Variants in SPIDR observed in about 807,000 individuals in gnomAD.
The protein encoded by SPIDR is scaffold protein involved in DNA repair.
Under a neutral mutation model 104.6 loss-of-function variants are expected in SPIDR, and 93 were observed. That is an observed-to-expected ratio of 0.89 (90% CI 0.75 to 1.06). SPIDR has a LOEUF of 1.06. Ranked by LOEUF, SPIDR falls within the 50% of genes least tolerant of loss-of-function variation. The pLI is 0.00. For missense variants in SPIDR, 1,154 were observed against 1,111.2 expected, an observed-to-expected ratio of 1.04 and a Z score of -0.55; for synonymous variants, 431 against 416.9, an observed-to-expected ratio of 1.03 and a Z score of -0.41.
At position 47,701,955 on chromosome 8, in the gene SPIDR, G is replaced by T; in HGVS notation, c.1918-1G>T. On this transcript the variant is annotated splice_acceptor_variant, in intron 13 of 19. Coordinates refer to ENST00000297423, the MANE Select transcript of SPIDR (RefSeq NM_001080394.4). LOFTEE classifies it high-confidence loss of function. ...GCCAACCTTTTCTAATTCCTTTCCA[G>T]ATGAATGATCTTGGTACCCGTTGCA... is the stretch of plus-strand genomic sequence containing the variant. The T allele has an allele frequency of 6.2e-7, 1 of 1,614,028 alleles. No individual in the cohort carries two copies. The highest frequency in any genetic ancestry group is 8.5e-7 in the Non-Finnish European group (1 of 1,180,028).
rs1010749129 is a variant in SPIDR at position 47,281,828 on chromosome 8, T to G, written c.189+1811T>G. On this transcript the variant is annotated intron_variant, in intron 2 of 19. Transcript: ENST00000297423. ...GCACATAGAATGGTGAATATTTTTC[T>G]GAAAGTTTTCAGTTTACTTTGCCCA... Among the ~76,000 whole-genome samples the G allele has an allele frequency of 7.2e-4, 109 of 152,360 alleles. 1 individual carries two copies. The highest frequency in any genetic ancestry group is 2.4e-3 in the African/African-American group (98 of 41,586).
intron 7 of SPIDR, among the ~76,000 whole-genome samples, chr8:47,438,553 A>G (rs1554694068): frequency 6.6e-6 from 1 of 152,222 alleles, no homozygotes; most frequent in East Asian, 1.9e-4. Context: ...TGTTGTGGCG[A>G]AGCATCTGTG....
intron 5 of SPIDR, among the ~76,000 whole-genome samples, chr8:47,317,471 G>C (rs2154259338): frequency 6.6e-6 from 1 of 152,234 alleles, no homozygotes; most frequent in African/African-American, 2.4e-5. Flanking sequence ...GAACTGGATG[G>C]AGCCCACCAC....
chr8:47,296,755 T>C (rs2040914344), intron 5 of SPIDR, among the ~76,000 whole-genome samples: 2 of 152,210 alleles, frequency 1.3e-5, no homozygotes, highest in Non-Finnish European at 1.5e-5. Context: ...ATATGAGTTT[T>C]AGGATTGTTT....
rs1172998426 is a variant in SPIDR at position 47,420,500 on chromosome 8, ATGTGTGTCTC to A, written c.877+12542_877+12551del. 6.6e-5 allele frequency among the ~76,000 whole-genome samples: 10 copies of A among 152,226 alleles called. No homozygotes were observed. In the East Asian group the frequency reaches 1.9e-3, roughly 29 times the overall value. On this transcript the variant is annotated intron_variant, in intron 7 of 19. Coordinates refer to ENST00000297423, the MANE Select transcript of SPIDR (RefSeq NM_001080394.4). ...TCCTCCATCCTTTTATTTTGAGCCT[ATGTGTGTCTC>A]TGCAAATGAGATGGGTTTCCTGAAT...
At chr8:47,573,840 C>G (rs781267466) in intron 8 of SPIDR, among the ~76,000 whole-genome samples, 1 of 152,228 alleles carries the variant, frequency 6.6e-6, no homozygotes, top group Non-Finnish European at 1.5e-5. Flanking sequence ...TGCTATAGTT[C>G]TGCTGTGCCT....
chr8:47,634,986 A>C (rs1305827613), intron 10 of SPIDR, among the ~76,000 whole-genome samples: 1 of 152,168 alleles, frequency 6.6e-6, no homozygotes, highest in Non-Finnish European at 1.5e-5. Context: ...ATCAAGTAAC[A>C]CTTTTCTTGA....
chr8:47,568,249 A>G lies in SPIDR; in HGVS notation c.1098-27562A>G, dbSNP rs374230895. On this transcript the variant is annotated intron_variant, in intron 8 of 19. Coordinates refer to ENST00000297423, the MANE Select transcript of SPIDR (RefSeq NM_001080394.4). Reference sequence around the variant, plus strand: ...TCTCTTTGATTAGGCTCATTAATCTACCTCGGTTTATCTGTAAAATGGAGA... The same window carrying G: ...TCTCTTTGATTAGGCTCATTAATCTGCCTCGGTTTATCTGTAAAATGGAGA... Among the ~76,000 whole-genome samples, 607 of 152,156 alleles carry G rather than the reference A, an allele frequency of 4.0e-3. 4 individuals carry two copies. Among genetic ancestry groups the G allele is most frequent in the South Asian group, 0.022 (108 of 4,816 alleles).
chr8:47,355,720 A>C (rs1367222288), intron 5 of SPIDR, among the ~76,000 whole-genome samples: 4 of 152,232 alleles, frequency 2.6e-5, no homozygotes, highest in African/African-American at 9.6e-5. Context: ...TGGAAGTTAC[A>C]TGTTTTCCCA....
chr8:47,671,065 A>G (rs1033417652), intron 10 of SPIDR, among the ~76,000 whole-genome samples: 1 of 152,042 alleles, frequency 6.6e-6, no homozygotes, highest in Admixed American at 6.5e-5. Flanking sequence ...GTGCACCACC[A>G]TACCCAGCTA....
intron 8 of SPIDR, among the ~76,000 whole-genome samples, chr8:47,571,450 A>G (rs1692997108): frequency 6.6e-6 from 1 of 152,222 alleles, no homozygotes; most frequent in African/African-American, 2.4e-5. Flanking sequence ...GGGAGGAGGA[A>G]ATAAAATAAT....
At chr8:47,312,790 C>T (rs2044466258) in intron 5 of SPIDR, among the ~76,000 whole-genome samples, 1 of 152,152 alleles carries the variant, frequency 6.6e-6, no homozygotes, top group African/African-American at 2.4e-5. Context: ...ACATGAAGTC[C>T]TTCCCCATGC....
intron 7 of SPIDR, among the ~76,000 whole-genome samples, chr8:47,440,058 G>T (rs975375552): frequency 1.3e-5 from 2 of 152,126 alleles, no homozygotes; most frequent in Non-Finnish European, 1.5e-5. Context: ...ATTTGTACAG[G>T]ACTATTTCTT....
At chr8:47,453,368 T>G (rs2072264920) in intron 8 of SPIDR, among the ~76,000 whole-genome samples, 1 of 152,104 alleles carries the variant, frequency 6.6e-6, no homozygotes, top group Admixed American at 6.5e-5. Context: ...GAGGGCTGCT[T>G]TGCAGTTCAT....
At chr8:47,351,146 T>G (rs2053433867) in intron 5 of SPIDR, among the ~76,000 whole-genome samples, 1 of 152,230 alleles carries the variant, frequency 6.6e-6, no homozygotes, top group Admixed American at 6.5e-5. Flanking sequence ...ATAGTAATGC[T>G]GGCATGTTGT....
intron 10 of SPIDR, among the ~76,000 whole-genome samples, chr8:47,617,945 GT>G (rs1218389987): frequency 6.6e-6 from 1 of 152,178 alleles, no homozygotes. Flanking sequence ...ACAAGCCCCA[GT>G]CTTCAGGGCA....
At chr8:47,328,671 C>T (rs966199326) in intron 5 of SPIDR, among the ~76,000 whole-genome samples, 22 of 152,210 alleles carry the variant, frequency 1.4e-4, no homozygotes, top group African/African-American at 5.3e-4. Context: ...ATCTCTTATG[C>T]AGAGCATACA....
At chr8:47,715,086 C>T (rs2082379577) in intron 16 of SPIDR, among the ~76,000 whole-genome samples, 1 of 151,906 alleles carries the variant, frequency 6.6e-6, no homozygotes, top group Non-Finnish European at 1.5e-5. Flanking sequence ...TTACCACCCA[C>T]CCTCCCACAC....
chr8:47,454,020 G>C (rs1268857238), intron 8 of SPIDR, among the ~76,000 whole-genome samples: 1 of 152,176 alleles, frequency 6.6e-6, no homozygotes, highest in Non-Finnish European at 1.5e-5. Flanking sequence ...CACTTTTACA[G>C]CATTGGTGGG....
Sources: allele counts gnomAD v4.1 joint callset (sites outside exome capture counted in the v4.1 genomes callset), GRCh38; gene constraint gnomAD v4.1.1; transcripts MANE v1.5; gene names NCBI Gene and HGNC (gene_info 2026-07-23, HGNC 2026-07-21).